SMOC2: variants seen among roughly 807,000 people sequenced by gnomAD.
SMOC2 encodes the protein SPARC related modular calcium binding 2.
In SMOC2, 39 loss-of-function variants were observed where a neutral mutation model predicts 61.4. That is an observed-to-expected ratio of 0.64 (90% CI 0.49 to 0.83). The LOEUF (loss-of-function observed/expected upper bound fraction) is 0.83. Ranked by LOEUF, SMOC2 falls within the 40% of genes least tolerant of loss-of-function variation. The pLI, the probability that SMOC2 is intolerant of heterozygous loss-of-function variation, is 0.00. For missense variants in SMOC2, 556 were observed against 592.9 expected, an observed-to-expected ratio of 0.94 and a Z score of 0.65; for synonymous variants, 247 against 239.9, an observed-to-expected ratio of 1.03 and a Z score of -0.27.
At chr6:168,456,614 G>T (rs1781593683) in intron 1 of SMOC2, among the ~76,000 whole-genome samples, 1 of 152,198 alleles carries the variant, frequency 6.6e-6, no homozygotes, top group Non-Finnish European at 1.5e-5. Context: ...GAGAAGGGAA[G>T]TGGCCTTCCC....
rs145735867 is a variant in SMOC2 at position 168,545,318 on chromosome 6, A to C, written c.511+1646A>C. ...CATGAAAGTGAGTTAAGGAAAGAAC[A>C]CACCCCCCACTTTAGGCCGGAATAC... On this transcript the variant is annotated intron_variant, in intron 5 of 12. Transcript: ENST00000356284. Among the ~76,000 whole-genome samples, 8 of 152,242 alleles carry C rather than the reference A, an allele frequency of 5.3e-5. No individual in the cohort carries two copies. The East Asian group carries it at 1.2e-3, about 22-fold the overall frequency.
At chr6:168,559,475 A>G (rs5881797) in intron 7 of SMOC2, among the ~76,000 whole-genome samples, 2 of 150,128 alleles carry the variant, frequency 1.3e-5, no homozygotes, top group Non-Finnish European at 3.0e-5. Flanking sequence ...AAATAAAAAT[A>G]AAAATAAAAT....
intron 7 of SMOC2, among the ~76,000 whole-genome samples, chr6:168,580,007 TG>T (rs939093906): frequency 6.6e-6 from 1 of 152,122 alleles, no homozygotes; most frequent in Non-Finnish European, 1.5e-5. Flanking sequence ...GAGGTTAGTG[TG>T]GGAGGCAAAT....
chr6:168,658,341 G>A (rs969537468), intron 11 of SMOC2, among the ~76,000 whole-genome samples: 1 of 152,210 alleles, frequency 6.6e-6, no homozygotes, highest in Non-Finnish European at 1.5e-5. Context: ...TTCTGTAGAA[G>A]GCTAATTTTT....
intron 9 of SMOC2, among the ~76,000 whole-genome samples, chr6:168,645,393 G>A (rs576076931): frequency 2.6e-5 from 4 of 152,286 alleles, no homozygotes; most frequent in African/African-American, 9.6e-5. Context: ...ACGGGGAAGG[G>A]CCACTCAGAC....
chr6:168,650,366 C>G lies in SMOC2; in HGVS notation c.908-315C>G, dbSNP rs139688000. Among the ~76,000 whole-genome samples, 5 of 152,318 alleles carry G rather than the reference C, an allele frequency of 3.3e-5. No individual in the cohort carries two copies. The East Asian group carries it at 9.7e-4, about 29-fold the overall frequency. Reference sequence around the variant, plus strand: ...TCCGTATGTCCCGTGTCCCTAAGCACCCGGTGCCTCTGCTGCCACACTCGC... The same window carrying G: ...TCCGTATGTCCCGTGTCCCTAAGCAGCCGGTGCCTCTGCTGCCACACTCGC... On this transcript the variant is annotated intron_variant, in intron 9 of 12. Coordinates refer to ENST00000356284, the MANE Select transcript of SMOC2 (RefSeq NM_001166412.2).
rs192287914 is a variant in SMOC2, at chr6:168,529,512, G to A, written c.463+1785G>A. 2.6e-4 allele frequency among the ~76,000 whole-genome samples: 39 copies of A among 152,298 alleles called. No individual in the cohort carries two copies. In the East Asian group the frequency reaches 5.0e-3, roughly 20 times the overall value. ...CTGTTCGGTGCAACTAGTATATTCC[G>A]CAGGTCTACAGAGTTACGGAAAAAC... On this transcript the variant is annotated intron_variant, in intron 4 of 12. Coordinates refer to ENST00000356284, the MANE Select transcript of SMOC2 (RefSeq NM_001166412.2).
intron 7 of SMOC2, among the ~76,000 whole-genome samples, chr6:168,585,613 C>T (rs61235341): frequency 6.6e-6 from 1 of 152,204 alleles, no homozygotes; most frequent in African/African-American, 2.4e-5. Context: ...GCATTTCACA[C>T]TCACAGGAGG....
intron 7 of SMOC2, among the ~76,000 whole-genome samples, chr6:168,596,645 G>T (rs981401009): frequency 2.3e-4 from 35 of 152,364 alleles, no homozygotes; most frequent in African/African-American, 8.2e-4. Context: ...TTTCTGCAAA[G>T]CAACAACCTC....
intron 2 of SMOC2, among the ~76,000 whole-genome samples, chr6:168,517,731 C>G (rs904596830): frequency 1.3e-5 from 2 of 152,044 alleles, no homozygotes; most frequent in Non-Finnish European, 2.9e-5. Flanking sequence ...GAGGAGGACC[C>G]CGCCTTTTCC....
chr6:168,595,112 G>C (rs1386318627), intron 7 of SMOC2, among the ~76,000 whole-genome samples: 1 of 143,906 alleles, frequency 6.9e-6, no homozygotes, highest in African/African-American at 2.6e-5. Flanking sequence ...TCTAGAGGAT[G>C]GCCGAGCTCC....
At chr6:168,557,847 A>G (rs1469372889) in intron 7 of SMOC2, among the ~76,000 whole-genome samples, 1 of 152,252 alleles carries the variant, frequency 6.6e-6, no homozygotes, top group Non-Finnish European at 1.5e-5. Context: ...TAGAATAGCC[A>G]TGTGAACTTG....
In SMOC2 at chr6:168,510,104, C is replaced by T; in HGVS notation, c.256+18C>T. The T allele has an allele frequency of 1.2e-6, 2 of 1,609,438 alleles. No individual in the cohort carries two copies. The highest frequency in any genetic ancestry group is 1.7e-6 in the Non-Finnish European group (2 of 1,176,032). On this transcript the variant is annotated intron_variant, in intron 2 of 12. Coordinates refer to ENST00000356284, the MANE Select transcript of SMOC2 (RefSeq NM_001166412.2). The stretch of plus-strand genomic sequence containing the variant: ...CTGCAAAGGTAAGCTGCTGTTTGAT[C>T]ATTCATCCAAAGATGGGTACATCCA...
chr6:168,663,472 C>T (rs939788267), intron 11 of SMOC2, among the ~76,000 whole-genome samples: 1 of 152,212 alleles, frequency 6.6e-6, no homozygotes, highest in African/African-American at 2.4e-5. Context: ...CGTGAATCCC[C>T]CGCCTTCTGG....
chr6:168,585,885 T>C (rs1785037091), intron 7 of SMOC2, among the ~76,000 whole-genome samples: 1 of 152,256 alleles, frequency 6.6e-6, no homozygotes, highest in South Asian at 2.1e-4. Context: ...ACGTTGTTTA[T>C]AGCACCTGGA....
At chr6:168,476,534 C>G (rs1253214160) in intron 1 of SMOC2, among the ~76,000 whole-genome samples, 1 of 151,422 alleles carries the variant, frequency 6.6e-6, no homozygotes, top group Admixed American at 6.6e-5. Context: ...GGGTCATATT[C>G]TATATTTGTA....
At chr6:168,538,824 A>C (rs1438584447) in intron 4 of SMOC2, among the ~76,000 whole-genome samples, 2 of 150,976 alleles carry the variant, frequency 1.3e-5, no homozygotes, top group Non-Finnish European at 3.0e-5. Flanking sequence ...CCCCTGCTGG[A>C]ATCTGGGGGA....
chr6:168,496,771 C>T (rs1782601282), intron 1 of SMOC2, among the ~76,000 whole-genome samples: 1 of 152,230 alleles, frequency 6.6e-6, no homozygotes, highest in African/African-American at 2.4e-5. Flanking sequence ...GGGGACCCTT[C>T]TGAGTGGGGT....
In SMOC2 at chr6:168,470,401, C is replaced by T. The variant is rs969535894; in HGVS notation, c.84+28947C>T. 6.6e-5 allele frequency among the ~76,000 whole-genome samples: 10 copies of T among 152,194 alleles called. No homozygotes were observed. The South Asian group carries it at 1.9e-3, about 28-fold the overall frequency. On this transcript the variant is annotated intron_variant, in intron 1 of 12. Transcript: ENST00000356284. ...TTTTAAACTGGGTCTCCTGGTCAAG[C>T]GCAGTGGCTCATGCCTGTAATCCCA...
Sources: allele counts gnomAD v4.1 joint callset (sites outside exome capture counted in the v4.1 genomes callset), GRCh38; gene constraint gnomAD v4.1.1; transcripts MANE v1.5; gene names NCBI Gene and HGNC (gene_info 2026-07-23, HGNC 2026-07-21).